SLC6A17: variants seen among roughly 807,000 people sequenced by gnomAD.
SLC6A17 encodes sodium-dependent neutral amino acid transporter SLC6A17.
A neutral mutation model predicts 64.5 loss-of-function variants in SLC6A17; 21 were observed. The observed-to-expected ratio is 0.33, with a 90% confidence interval of 0.23 to 0.47. SLC6A17 has a LOEUF of 0.47. Among genes scored for constraint, SLC6A17 ranks in the 20% least tolerant of loss-of-function variants. The pLI is 1.00. For missense variants in SLC6A17, 682 were observed against 963.2 expected, an observed-to-expected ratio of 0.71 and a Z score of 3.86; for synonymous variants, 372 against 399.5, an observed-to-expected ratio of 0.93 and a Z score of 0.82.
intron 6 of SLC6A17, among the ~76,000 whole-genome samples, chr1:110,185,577 A>G (rs752264399): frequency 1.6e-4 from 24 of 152,234 alleles, no homozygotes; most frequent in African/African-American, 5.8e-4. Context: ...AAGAATTGGC[A>G]GGAAGCTGTT....
chr1:110,185,514 G>A (rs563054774), intron 6 of SLC6A17, among the ~76,000 whole-genome samples: 1 of 152,352 alleles, frequency 6.6e-6, no homozygotes, highest in African/African-American at 2.4e-5. Flanking sequence ...CGAGTCAAAC[G>A]CCTTGATACA....
In SLC6A17 at chr1:110,198,080, C is replaced by T. The variant is rs527503610; in HGVS notation, c.1820C>T (p.Ala607Val). Residue 607 changes from alanine (A) to valine (V), a missense_variant, in exon 12 of 12, where the codon GCC becomes GTC. Transcript: ENST00000331565. ...GYSAWIKEEA[A>V]ERYLYFPNWA... ...CTTAAGGCAGCCCACCCGCAGGCTG[C>T]CGAGCGCTACCTGTATTTCCCCAAC... 2.5e-6 allele frequency: 4 copies of T among 1,609,980 alleles called. No individual in the cohort carries two copies. Among genetic ancestry groups the T allele is most frequent in the Admixed American group, 1.7e-5 (1 of 59,932 alleles).
At chr1:110,195,087 G>A in intron 9 of SLC6A17, 2 of 454,026 alleles carry the variant, frequency 4.4e-6, no homozygotes, top group South Asian at 2.1e-5. Flanking sequence ...TTGGGCAGGG[G>A]CACTCACTGG....
chr1:110,158,209 T>C (rs1296132487), intron 1 of SLC6A17, among the ~76,000 whole-genome samples: 1 of 152,018 alleles, frequency 6.6e-6, no homozygotes, highest in East Asian at 1.9e-4. Context: ...TTGAAAGAAG[T>C]AAAGGAAAAG....
At chr1:110,152,906 A>G (rs1169740206) in intron 1 of SLC6A17, among the ~76,000 whole-genome samples, 1 of 152,148 alleles carries the variant, frequency 6.6e-6, no homozygotes, top group African/African-American at 2.4e-5. Flanking sequence ...TCCATCATGA[A>G]AGGGGTTGTG....
chr1:110,197,533 C>T lies in SLC6A17; in HGVS notation c.1749C>T (p.Leu583=), dbSNP rs955815771. ...KFVSPLCMAV[L]TTASIIQLGV... ...TGTCTCCACTATGCATGGCTGTGCT[C>T]ACCACAGCCAGCATCATCCAGCTGG... Residue 583 remains leucine (L), a synonymous_variant, in exon 11 of 12, where the codon CTC becomes CTT. Coordinates refer to ENST00000331565, the MANE Select transcript of SLC6A17 (RefSeq NM_001010898.4). The T allele has an allele frequency of 6.2e-7, 1 of 1,613,544 alleles. No individual in the cohort carries two copies. The highest frequency in any genetic ancestry group is 1.7e-5 in the Admixed American group (1 of 59,990).
At chr1:110,178,941 A>C (rs1557836191) in intron 6 of SLC6A17, among the ~76,000 whole-genome samples, 1 of 152,226 alleles carries the variant, frequency 6.6e-6, no homozygotes, top group Non-Finnish European at 1.5e-5. Flanking sequence ...TTGATCATAC[A>C]TTCTTTGAAA....
In SLC6A17 at chr1:110,194,672, A is replaced by T. The variant is rs1656914882; in HGVS notation, c.1393A>T (p.Met465Leu). The stretch of plus-strand genomic sequence containing the variant: ...GTTCTGGTCCGTCATGTTCTTCTTG[A>T]TGCTTATCAACCTGGGCCTGGGCAG... Reference protein sequence around the residue: ...SPFWSVMFFLMLINLGLGSMI... With the variant: ...SPFWSVMFFLLLINLGLGSMI... Residue 465 changes from methionine (M) to leucine (L), a missense_variant, in exon 9 of 12, where the codon ATG becomes TTG. Coordinates refer to ENST00000331565, the MANE Select transcript of SLC6A17 (RefSeq NM_001010898.4). 1.2e-6 allele frequency: 2 copies of T among 1,614,008 alleles called. No homozygotes were observed. The highest frequency in any genetic ancestry group is 1.3e-5 in the African/African-American group (1 of 74,902).
rs765566763 is a variant in SLC6A17, at chr1:110,192,617, C to T, written c.1218C>T (p.Tyr406=). The T allele has an allele frequency of 2.4e-5, 38 of 1,614,202 alleles. No homozygotes were observed. Among genetic ancestry groups the T allele is most frequent in the Non-Finnish European group, 3.1e-5 (37 of 1,180,032 alleles). ...CCACAAAGGACTACATGGAGATGTACAATGTCATCATGACCGTGAAGGAGG... is the reference window on the plus strand; with the variant it reads ...CCACAAAGGACTACATGGAGATGTATAATGTCATCATGACCGTGAAGGAGG... ...HLTTKDYMEM[Y]NVIMTVKEDQ... is the part of the protein sequence containing the mutation. The change falls in exon 8 of 12, where the codon TAC becomes TAT. Residue 406 remains tyrosine (Y), a synonymous_variant. Coordinates refer to ENST00000331565, the MANE Select transcript of SLC6A17 (RefSeq NM_001010898.4). The surrounding 1 kb of genome is among the most constrained non-coding windows in gnomAD (Gnocchi z 4.3).
At chr1:110,174,633 G>A (rs1570989362) in intron 4 of SLC6A17, 146 bp from the exon 5 acceptor site, 34 of 1,000,442 alleles carry the variant, frequency 3.4e-5, no homozygotes, top group South Asian at 5.1e-5. Context: ...GCCAGATCCC[G>A]GCTAACCCAA....
At chr1:110,184,427 G>A (rs1656624680) in intron 6 of SLC6A17, among the ~76,000 whole-genome samples, 1 of 152,218 alleles carries the variant, frequency 6.6e-6, no homozygotes, top group South Asian at 2.1e-4. Context: ...TTTTACAATG[G>A]ATAGTGCTTA....
intron 6 of SLC6A17, among the ~76,000 whole-genome samples, chr1:110,187,199 C>T (rs1367211721): frequency 1.3e-5 from 1 of 79,490 alleles, no homozygotes; most frequent in Non-Finnish European, 3.8e-5. Context: ...GAACAATTCG[C>T]TAATCAGGCA....
chr1:110,195,686 A>C lies in SLC6A17; in HGVS notation c.1593A>C (p.Pro531=). 1 of 1,614,170 alleles carries C rather than the reference A, an allele frequency of 6.2e-7. No homozygotes were observed. The highest frequency in any genetic ancestry group is 1.6e-4 in the Middle Eastern group (1 of 6,062). ...TMFDDYSATL[P]LTLIVILENI... is the part of the protein sequence containing the mutation. ...TCGATGACTACTCGGCCACCCTGCCACTCACTCTCATCGTCATCCTTGAGA... is the reference window on the plus strand; with the variant it reads ...TCGATGACTACTCGGCCACCCTGCCCCTCACTCTCATCGTCATCCTTGAGA... The change falls in exon 10 of 12, where the codon CCA becomes CCC. Residue 531 remains proline (P), a synonymous_variant. Transcript: ENST00000331565.
intron 6 of SLC6A17, among the ~76,000 whole-genome samples, chr1:110,179,220 G>A (rs893054115): frequency 6.6e-6 from 1 of 152,096 alleles, no homozygotes; most frequent in African/African-American, 2.4e-5. Flanking sequence ...TTTCACCATT[G>A]CTAATAATGT....
At position 110,194,767 on chromosome 1, in the gene SLC6A17, C is replaced by T. The variant is rs1481899088; in HGVS notation, c.1488C>T (p.Phe496=). Residue 496 remains phenylalanine, a synonymous_variant, in exon 9 of 12, where the codon TTC becomes TTT. Coordinates refer to ENST00000331565, the MANE Select transcript of SLC6A17 (RefSeq NM_001010898.4). ...IDTFKVPKEM[F]TVGCCVFAFL... is the part of the protein sequence containing the mutation. ...CCTTCAAGGTGCCCAAGGAGATGTT[C>T]ACAGGTAACTCCTCCCTGCCCCCAT... The T allele has an allele frequency of 6.2e-7, 1 of 1,612,906 alleles. No individual in the cohort carries two copies. Among genetic ancestry groups the T allele is most frequent in the Non-Finnish European group, 8.5e-7 (1 of 1,180,034 alleles).
At chr1:110,151,045 C>T (rs904222899) in intron 1 of SLC6A17, among the ~76,000 whole-genome samples, 162 bp downstream of exon 1, 1 of 152,240 alleles carries the variant, frequency 6.6e-6, no homozygotes, top group African/African-American at 2.4e-5. Flanking sequence ...CCTCTCGCCG[C>T]TCCAGCCGCC....
chr1:110,192,478 A>G lies in SLC6A17; in HGVS notation c.1107-28A>G, dbSNP rs1325036323. 4 of 1,595,620 alleles carry G rather than the reference A, an allele frequency of 2.5e-6. No homozygotes were observed. The African/African-American group carries it at 4.0e-5, about 16-fold the overall frequency. On this transcript the variant is annotated intron_variant, in intron 7 of 11. Coordinates refer to ENST00000331565, the MANE Select transcript of SLC6A17 (RefSeq NM_001010898.4). This position sits in a 1 kb window ranked among gnomAD's most constrained non-coding sequence, Gnocchi z 4.3. ...ACCCATTGCCCACCCCTGCCTTCTT[A>G]CCTGGTCCTCTCGGTTTTGTGCTGC... is the stretch of plus-strand genomic sequence containing the variant.
chr1:110,176,658 C>G lies in SLC6A17; in HGVS notation c.783C>G (p.Tyr261Ter). 1 of 1,614,110 alleles carries G rather than the reference C, an allele frequency of 6.2e-7. No individual in the cohort carries two copies. The change falls in exon 6 of 12, where the codon TAC (tyrosine) becomes TAG (stop). Residue 261 changes from tyrosine to a stop codon, truncating the protein, a stop_gained. Transcript: ENST00000331565. LOFTEE classifies it high-confidence loss of function. ...KVMYFSSLFP[Y>*]VVLACFLVRG... Reference sequence around the variant, plus strand: ...TGTATTTCAGCTCCCTCTTCCCCTACGTGGTGCTGGCCTGCTTCCTGGTCC... The same window carrying G: ...TGTATTTCAGCTCCCTCTTCCCCTAGGTGGTGCTGGCCTGCTTCCTGGTCC...
intron 9 of SLC6A17, 104 bp downstream of exon 9, chr1:110,194,875 G>A (rs1253811622): frequency 2.1e-6 from 3 of 1,399,392 alleles, no homozygotes; most frequent in Middle Eastern, 1.7e-4. Context: ...ACACCCAGAA[G>A]GCTCCACCCC....
Sources: gnomAD v4.1 joint callset for allele counts (sites outside exome capture counted in the v4.1 genomes callset) on GRCh38, gnomAD v4.1.1 for gene constraint, Gnocchi (gnomAD v3.1) non-coding constraint, MANE v1.5 for transcripts, NCBI Gene and HGNC (gene_info 2026-07-23, HGNC 2026-07-21) for gene names.